Variants in KDSR observed in about 807,000 individuals in gnomAD.
The protein encoded by KDSR is 3-ketodihydrosphingosine reductase, also known as 3-dehydrosphinganine reductase.
Under a neutral mutation model 41.3 loss-of-function variants are expected in KDSR, and 23 were observed. The ratio of observed to expected loss-of-function variants is 0.56; its 90% CI spans 0.40 to 0.79. The LOEUF is 0.79. KDSR is among the 30% of genes least tolerant of loss of function. The probability of loss-of-function intolerance (pLI) is 0.00; values close to 1 mark genes in which losing one functional copy is unlikely to be tolerated. For missense variants in KDSR, 351 were observed against 416.8 expected (o/e 0.84, Z 1.37); for synonymous variants, 138 against 151.7 (o/e 0.91, Z 0.66).
At chr18:63,346,154 T>A (rs942329234) in intron 6 of KDSR, 3 of 151,974 alleles carry the variant, frequency 2.0e-5, no homozygotes, top group African/African-American at 7.3e-5. Context: ...AAGTGAGATG[T>A]CTTTGTGGGT....
intron 4 of KDSR, 50 bp downstream of exon 4, chr18:63,355,448 A>C (rs772408354): frequency 4.6e-5 from 74 of 1,612,900 alleles, no homozygotes; most frequent in Non-Finnish European, 5.9e-5. Flanking sequence ...TGGCAAGAAC[A>C]AATCAAAAGT....
intron 7 of KDSR, 22 bp from the exon 8 acceptor site, chr18:63,338,905 C>T (rs1350448929): frequency 2.1e-6 from 3 of 1,404,702 alleles, no homozygotes; most frequent in Non-Finnish European, 2.0e-6. Flanking sequence ...AAAACATGTA[C>T]ATAACAATAT....
intron 6 of KDSR, chr18:63,345,650 C>G (rs568636505): frequency 2.0e-5 from 3 of 152,224 alleles, no homozygotes; most frequent in African/African-American, 7.2e-5. Flanking sequence ...TTAAGAGTAG[C>G]CCAGGGGCCG....
chr18:63,363,680 G>T (rs1915057590), intron 1 of KDSR, among the ~76,000 whole-genome samples: 1 of 152,010 alleles, frequency 6.6e-6, no homozygotes, highest in African/African-American at 2.4e-5. Context: ...TGCAAGATTA[G>T]CTCTACAACA....
Position 63,328,034 on chromosome 18 carries a change from T to C in KDSR, c.*3748A>G, listed in dbSNP as rs974488630. The C allele has an allele frequency of 5.0e-6, 1 of 200,068 alleles. No homozygotes were observed. The highest frequency in any genetic ancestry group is 2.3e-5 in the African/African-American group (1 of 43,464). The allele number at this position is 200,068 out of a possible 1,614,324, so 12.4% of individuals were successfully genotyped here. A position where few individuals can be genotyped will look rare whatever the true frequency, so the allele number is the denominator to read the frequency against. Reference sequence around the variant, plus strand: ...GGAAGGTTCTGGTTGGCAGGTACTTTTTAAAGCTGACTTACTAAGAACTAA... The same window carrying C: ...GGAAGGTTCTGGTTGGCAGGTACTTCTTAAAGCTGACTTACTAAGAACTAA... On this transcript the variant is annotated 3_prime_UTR_variant, in exon 10 of 10. Coordinates refer to ENST00000645214, the MANE Select transcript of KDSR (RefSeq NM_002035.4).
chr18:63,355,061 C>G (rs1465020696), intron 5 of KDSR, 143 bp downstream of exon 5: 1 of 596,970 alleles, frequency 1.7e-6, no homozygotes, highest in Non-Finnish European at 2.9e-6. Flanking sequence ...TCAGCTTCAC[C>G]TTGTTCAGCC....
At chr18:63,350,738 C>T in intron 6 of KDSR, 150 bp downstream of exon 6, 1 of 645,790 alleles carries the variant, frequency 1.5e-6, no homozygotes, top group Non-Finnish European at 2.7e-6. Flanking sequence ...AACTGCAAAA[C>T]TCAGGGTTGA....
intron 9 of KDSR, 98 bp from the exon 10 acceptor site, chr18:63,331,999 A>G: frequency 1.6e-6 from 2 of 1,255,000 alleles, no homozygotes; most frequent in Non-Finnish European, 2.2e-6. Context: ...CAAATCTTCT[A>G]GTCTGCTCTA....
chr18:63,363,207 CTTTT>C (rs1006397920), intron 1 of KDSR, among the ~76,000 whole-genome samples: 2 of 121,780 alleles, frequency 1.6e-5, no homozygotes, highest in African/African-American at 3.0e-5. Flanking sequence ...ATCTTATTTT[CTTTT>C]TTTTTTTCTT....
chr18:63,358,740 G>A lies in KDSR; in HGVS notation c.255+996C>T, dbSNP rs981833385. Among the ~76,000 whole-genome samples the A allele has an allele frequency of 3.3e-5, 5 of 149,912 alleles. No individual in the cohort carries two copies. In the East Asian group the frequency reaches 7.9e-4, roughly 24 times the overall value. ...TGAGGCAGGAGAATCGCTTGAACCC[G>A]AGAGGTGGAGGTTGCAGTGAGCCAA... On this transcript the variant is annotated intron_variant, in intron 3 of 9. Coordinates refer to ENST00000645214, the MANE Select transcript of KDSR (RefSeq NM_002035.4).
At chr18:63,364,507 G>A (rs1449692812) in intron 1 of KDSR, among the ~76,000 whole-genome samples, 1 of 151,280 alleles carries the variant, frequency 6.6e-6, no homozygotes, top group Admixed American at 6.6e-5. Context: ...GCAGTGGCAC[G>A]ATCTCAGCTC....
intron 9 of KDSR, among the ~76,000 whole-genome samples, chr18:63,334,149 A>T (rs563237945): frequency 6.6e-6 from 1 of 152,232 alleles, no homozygotes; most frequent in African/African-American, 2.4e-5. Flanking sequence ...AGAGAATGGC[A>T]AAGACAGTAG....
At chr18:63,344,719 C>G (rs1914446346) in intron 6 of KDSR, 1 of 437,594 alleles carries the variant, frequency 2.3e-6, no homozygotes, top group South Asian at 3.9e-5. Context: ...ACAGCTGGCC[C>G]TAAAGTATGG....
rs530581945 is a variant in KDSR, at chr18:63,357,528, T to TTATA, written c.256-1969_256-1966dup. Reference sequence around the variant, plus strand: ...CAGCAACATAAATGAATTTTTAAAATTATATATATATATACACATATATAT... The same window carrying TTATA: ...CAGCAACATAAATGAATTTTTAAAATTATATATATATATATATACACATATATAT... On this transcript the variant is annotated intron_variant, in intron 3 of 9. Transcript: ENST00000645214. Among the ~76,000 whole-genome samples, 8 of 144,018 alleles carry TTATA rather than the reference T, an allele frequency of 5.6e-5. No individual in the cohort carries two copies. The East Asian group carries it at 1.2e-3, about 21-fold the overall frequency. The allele number at this position is 144,018 out of a possible 152,430, so 94.5% of individuals were successfully genotyped here. A position where few individuals can be genotyped will look rare whatever the true frequency, so the allele number is the denominator to read the frequency against.
chr18:63,344,631 C>T, intron 6 of KDSR, 138 bp from the exon 7 acceptor site: 1 of 575,850 alleles, frequency 1.7e-6, no homozygotes, highest in East Asian at 2.9e-5. Context: ...GGAACTACAC[C>T]AATTGCATTG....
In KDSR at chr18:63,362,803, A is replaced by T; in HGVS notation, c.174T>A (p.Phe58Leu). The T allele has an allele frequency of 6.2e-7, 1 of 1,613,364 alleles. No individual in the cohort carries two copies. Among genetic ancestry groups the T allele is most frequent in the Non-Finnish European group, 8.5e-7 (1 of 1,179,328 alleles). The change falls in exon 2 of 10, where the codon TTT becomes TTA. Residue 58 changes from phenylalanine to leucine, a missense_variant. Phe to Leu is a conservative substitution (Grantham distance 22, BLOSUM62 0). Coordinates refer to ENST00000645214, the MANE Select transcript of KDSR (RefSeq NM_002035.4). ...IAIECYKQGA[F>L]ITLVARNEDK... ...CCTCATTTCGTGCAACCAGAGTTAT[A>T]AAAGCTCCTTGTTTATAGCACTCGA...
chr18:63,335,370 G>GA lies in KDSR; in HGVS notation c.778-13dup, dbSNP rs1486217274. On this transcript the variant is annotated splice_polypyrimidine_tract_variant and intron_variant, in intron 8 of 9. Transcript: ENST00000645214. Reference sequence around the variant, plus strand: ...TTGAAATTTCCTTGCTAAAAGAGAAGAAAAAGAAGAGAAAGAGGGAATCCT... The same window carrying GA: ...TTGAAATTTCCTTGCTAAAAGAGAAGAAAAAAGAAGAGAAAGAGGGAATCCT... The GA allele has an allele frequency of 2.5e-6, 4 of 1,573,848 alleles. No individual in the cohort carries two copies. In the African/African-American group the frequency reaches 5.4e-5, roughly 21 times the overall value.
At chr18:63,344,194 G>T in intron 7 of KDSR, 2 of 473,480 alleles carry the variant, frequency 4.2e-6, no homozygotes, top group Non-Finnish European at 7.6e-6. Context: ...AAAAAATCTG[G>T]TAGAAATTTA....
intron 7 of KDSR, among the ~76,000 whole-genome samples, chr18:63,342,103 AG>A (rs1914356015): frequency 6.8e-6 from 1 of 147,750 alleles, no homozygotes; most frequent in South Asian, 2.2e-4. Flanking sequence ...CAGGAGGCAG[AG>A]GTTGCAGTGA....
Sources: gnomAD v4.1 joint callset for allele counts (sites outside exome capture counted in the v4.1 genomes callset) on GRCh38, gnomAD v4.1.1 for gene constraint, MANE v1.5 for transcripts, NCBI Gene and HGNC (gene_info 2026-07-23, HGNC 2026-07-21) for gene names.